The following RANBP17 variants were observed in gnomAD, a reference collection of about 807,000 sequenced individuals.
RANBP17 encodes ran-binding protein 17.
A neutral mutation model predicts 141.2 loss-of-function variants in RANBP17; 158 were observed. That is an observed-to-expected ratio of 1.12 (90% confidence interval 0.98 to 1.28). RANBP17 has a LOEUF of 1.28. Ranked by LOEUF, RANBP17 falls within the 50% of genes most tolerant of loss-of-function variation. The probability of loss-of-function intolerance (pLI) is 0.00; values close to 1 mark genes in which losing one functional copy is unlikely to be tolerated. For synonymous variants in RANBP17, 430 were observed against 450.0 expected, an observed-to-expected ratio of 0.96 and a Z score of 0.56; for missense variants, 1,438 against 1,290.7, an observed-to-expected ratio of 1.11 and a Z score of -1.75.
intron 14 of RANBP17, among the ~76,000 whole-genome samples, chr5:171,004,440 G>T (rs1779438000): frequency 6.6e-6 from 1 of 152,140 alleles, no homozygotes; most frequent in African/African-American, 2.4e-5. Context: ...CCAGACTGGG[G>T]GAGTTTTAAG....
rs1433294174 is a variant in RANBP17, at chr5:171,252,489, C to T, written c.2776+9669C>T. ...CTTTCAGCAACACAGAAACCCTATGCAGTGAGTACAAGTATTACTGTGAAG... is the reference window on the plus strand; with the variant it reads ...CTTTCAGCAACACAGAAACCCTATGTAGTGAGTACAAGTATTACTGTGAAG... On this transcript the variant is annotated intron_variant, in intron 24 of 27. Coordinates refer to ENST00000523189, the MANE Select transcript of RANBP17 (RefSeq NM_022897.5). 3.8e-5 allele frequency: 55 copies of T among 1,449,906 alleles called. No homozygotes were observed. In the East Asian group the frequency reaches 1.2e-3, roughly 32 times the overall value. 89.8% of individuals were successfully genotyped at this position (1,449,906 alleles called of 1,614,324 possible).
chr5:171,242,275 A>G (rs1355771644), intron 23 of RANBP17, among the ~76,000 whole-genome samples: 3 of 152,248 alleles, frequency 2.0e-5, no homozygotes, highest in Non-Finnish European at 4.4e-5. Context: ...TAGATGGATT[A>G]GCATTATATT....
At chr5:171,120,037 CAAAAAA>C (rs34991479) in intron 14 of RANBP17, among the ~76,000 whole-genome samples, 1 of 101,104 alleles carries the variant, frequency 9.9e-6, no homozygotes, top group Non-Finnish European at 1.9e-5. Flanking sequence ...AACTTAGTCT[CAAAAAA>C]AAAAAAAAAA....
intron 24 of RANBP17, chr5:171,251,827 A>AG: frequency 7.9e-7 from 1 of 1,262,536 alleles, no homozygotes; most frequent in Non-Finnish European, 1.2e-6. Context: ...AATCCTAATG[A>AG]CAGTCTCCAA....
intron 14 of RANBP17, among the ~76,000 whole-genome samples, chr5:171,124,654 A>T (rs1184559640): frequency 6.6e-6 from 1 of 152,194 alleles, no homozygotes; most frequent in African/African-American, 2.4e-5. Context: ...GAATGTTTAT[A>T]TGGGACAGTA....
chr5:170,910,923 A>G, intron 6 of RANBP17, 46 bp from the exon 7 acceptor site: 1 of 1,548,234 alleles, frequency 6.5e-7, no homozygotes, highest in Non-Finnish European at 8.9e-7. Flanking sequence ...GTGTAAATTT[A>G]TTGATGTATT....
Position 171,277,637 on chromosome 5 carries a change from G to GTATA in RANBP17, c.2943+11818_2943+11821dup, listed in dbSNP as rs70982330. On this transcript the variant is annotated intron_variant, in intron 25 of 27. Transcript: ENST00000523189. ...GTGCCTTACGTATACATATATGTAT[G>GTATA]TATATATATATATATATATATATAT... Among the ~76,000 whole-genome samples, 25 of 56,920 alleles carry GTATA rather than the reference G, an allele frequency of 4.4e-4. 1 individual carries two copies. Among genetic ancestry groups the GTATA allele is most frequent in the Admixed American group, 2.7e-3 (10 of 3,726 alleles). 37.3% of individuals were successfully genotyped at this position (56,920 alleles called of 152,430 possible). A position where few individuals can be genotyped will look rare whatever the true frequency, so the allele number is the denominator to read the frequency against.
intron 26 of RANBP17, among the ~76,000 whole-genome samples, chr5:171,295,502 A>C (rs1006907661): frequency 6.6e-6 from 1 of 152,142 alleles, no homozygotes; most frequent in Non-Finnish European, 1.5e-5. Context: ...AGTCACTTAA[A>C]ATGCTCCCTG....
chr5:170,919,069 G>T (rs1001225774), intron 10 of RANBP17, among the ~76,000 whole-genome samples: 19 of 151,896 alleles, frequency 1.3e-4, no homozygotes, highest in Non-Finnish European at 2.5e-4. Flanking sequence ...ATAATGGCTT[G>T]AGAAACTATA....
chr5:171,253,070 A>G, intron 24 of RANBP17: 1 of 836,106 alleles, frequency 1.2e-6, no homozygotes, highest in Non-Finnish European at 2.0e-6. Flanking sequence ...ATTTTTCAAG[A>G]AAAGAGAAAA....
intron 14 of RANBP17, among the ~76,000 whole-genome samples, chr5:170,969,244 G>A (rs1181227904): frequency 1.3e-5 from 2 of 151,498 alleles, no homozygotes; most frequent in Middle Eastern, 3.2e-3. Context: ...TCTTTTTTAA[G>A]GAAATGATGC....
intron 25 of RANBP17, among the ~76,000 whole-genome samples, chr5:171,272,454 T>C (rs1581162080): frequency 6.6e-6 from 1 of 152,198 alleles, no homozygotes; most frequent in South Asian, 2.1e-4. Flanking sequence ...GGTTTAATCA[T>C]GACAGTATCT....
At chr5:171,035,227 C>T (rs1781795030) in intron 14 of RANBP17, among the ~76,000 whole-genome samples, 2 of 151,950 alleles carry the variant, frequency 1.3e-5, no homozygotes, top group South Asian at 4.1e-4. Context: ...ATCCCAGGAA[C>T]AGTGAATGTA....
At chr5:170,949,314 A>G (rs1317505874) in intron 12 of RANBP17, among the ~76,000 whole-genome samples, 1 of 152,184 alleles carries the variant, frequency 6.6e-6, no homozygotes, top group African/African-American at 2.4e-5. Context: ...ATGGGAGAAA[A>G]TATTTGCATA....
At chr5:171,093,273 G>C (rs1047942099) in intron 14 of RANBP17, among the ~76,000 whole-genome samples, 5 of 151,298 alleles carry the variant, frequency 3.3e-5, no homozygotes, top group Admixed American at 1.3e-4. Flanking sequence ...ATATGATCTT[G>C]TTTCTTGTGG....
At chr5:171,290,317 G>C (rs1365963531) in intron 25 of RANBP17, among the ~76,000 whole-genome samples, 3 of 151,582 alleles carry the variant, frequency 2.0e-5, no homozygotes, top group Non-Finnish European at 4.4e-5. Context: ...GCAGTGAGCT[G>C]AGATTGTGCT....
rs371211225 is a variant in RANBP17 at position 170,952,249 on chromosome 5, G to A, written c.1469-1348G>A. On this transcript the variant is annotated intron_variant, in intron 12 of 27. Transcript: ENST00000523189. ...CTACATGAAGTTTTTGATCTGTTACGTTTTTCATGAATTGTATGTCATGAA... is the reference window on the plus strand; with the variant it reads ...CTACATGAAGTTTTTGATCTGTTACATTTTTCATGAATTGTATGTCATGAA... 5.3e-4 allele frequency among the ~76,000 whole-genome samples: 80 copies of A among 151,920 alleles called. 1 individual carries two copies. In the South Asian group the frequency reaches 0.016, roughly 30 times the overall value.
chr5:171,140,893 G>C (rs761706912), intron 14 of RANBP17, among the ~76,000 whole-genome samples: 2 of 152,158 alleles, frequency 1.3e-5, no homozygotes, highest in African/African-American at 4.8e-5. Context: ...TCCAAGTCCA[G>C]AATATTCCAC....
At chr5:170,921,226 C>G (rs982313335) in intron 11 of RANBP17, among the ~76,000 whole-genome samples, 2 of 152,134 alleles carry the variant, frequency 1.3e-5, no homozygotes, top group Non-Finnish European at 2.9e-5. Context: ...GGTGTTAGGT[C>G]TTACATTTAA....
Sources: allele counts gnomAD v4.1 joint callset (sites outside exome capture counted in the v4.1 genomes callset), GRCh38; gene constraint gnomAD v4.1.1; transcripts MANE v1.5; gene names NCBI Gene and HGNC (gene_info 2026-07-23, HGNC 2026-07-21).